Variants in KCNIP4 observed in about 807,000 individuals in gnomAD.
KCNIP4 encodes the protein potassium voltage-gated channel interacting protein 4, also known as Kv channel-interacting protein 4.
KCNIP4 carries 12 observed loss-of-function variants against 34.0 expected under a neutral mutation model. That is an observed-to-expected ratio of 0.35 (90% CI 0.23 to 0.57). KCNIP4 has a LOEUF of 0.57. Ranked by LOEUF, KCNIP4 falls within the 20% of genes least tolerant of loss-of-function variation. The pLI, the probability that KCNIP4 is intolerant of heterozygous loss-of-function variation, is 0.83. For missense variants in KCNIP4, 238 were observed against 311.7 expected (o/e 0.76, Z 1.78); for synonymous variants, 124 against 102.2 (o/e 1.21, Z -1.29).
chr4:20,824,676 C>T (rs1717512211), intron 3 of KCNIP4, among the ~76,000 whole-genome samples: 1 of 151,938 alleles, frequency 6.6e-6, no homozygotes, highest in Admixed American at 6.6e-5. Flanking sequence ...GAGACTCCAT[C>T]TCAAAAAAAA....
intron 1 of KCNIP4, among the ~76,000 whole-genome samples, chr4:21,693,602 G>A (rs1711934938): frequency 6.6e-6 from 1 of 152,056 alleles, no homozygotes; most frequent in Non-Finnish European, 1.5e-5. Context: ...TATATGACTA[G>A]CCTGTGGTGG....
At position 21,145,449 on chromosome 4, in the gene KCNIP4, G is replaced by A. The variant is rs575020076; in HGVS notation, c.62-262740C>T. Among the ~76,000 whole-genome samples, 9 of 152,262 alleles carry A rather than the reference G, an allele frequency of 5.9e-5. No individual in the cohort carries two copies. The East Asian group carries it at 1.7e-3, about 29-fold the overall frequency. ...TCTGTATTTTTACAAGGCTCCACAG[G>A]TGAAATGGATGCAACTGACCTATGA... On this transcript the variant is annotated intron_variant, in intron 1 of 8. Coordinates refer to ENST00000382152, the MANE Select transcript of KCNIP4 (RefSeq NM_025221.6).
chr4:21,555,058 A>G (rs1281666012), intron 1 of KCNIP4, among the ~76,000 whole-genome samples: 1 of 152,156 alleles, frequency 6.6e-6, no homozygotes, highest in Non-Finnish European at 1.5e-5. Flanking sequence ...ATGACCATCT[A>G]AACATTTTTT....
At position 21,757,198 on chromosome 4, in the gene KCNIP4, G is replaced by A. The variant is rs4627851; in HGVS notation, c.61+191373C>T. Among the ~76,000 whole-genome samples, 145 of 39,416 alleles carry A rather than the reference G, an allele frequency of 3.7e-3. 1 individual carries two copies. The highest frequency in any genetic ancestry group is 6.6e-3 in the Admixed American group (25 of 3,814). 25.9% of individuals were successfully genotyped at this position (39,416 alleles called of 152,430 possible). On this transcript the variant is annotated intron_variant, in intron 1 of 8. Coordinates refer to ENST00000382152, the MANE Select transcript of KCNIP4 (RefSeq NM_025221.6). ...AGGAAGGAAGGAAGGAAGGAAGGAA[G>A]GAAAGAAAGAAAGAAAGAAAGAAAG...
chr4:21,390,152 T>G (rs994242622), intron 1 of KCNIP4, among the ~76,000 whole-genome samples: 3 of 152,154 alleles, frequency 2.0e-5, no homozygotes, highest in African/African-American at 7.2e-5. Flanking sequence ...TGGGGTTGTT[T>G]GTTTTTTTCT....
rs372004865 is a variant in KCNIP4, at chr4:21,019,224, T to C, written c.62-136515A>G. 1.9e-3 allele frequency among the ~76,000 whole-genome samples: 288 copies of C among 152,040 alleles called. 6 individuals carry two copies. In the South Asian group the frequency reaches 0.053, roughly 28 times the overall value. On this transcript the variant is annotated intron_variant, in intron 1 of 8. Coordinates refer to ENST00000382152, the MANE Select transcript of KCNIP4 (RefSeq NM_025221.6). ...ATGCTGGAGTGCAGTGGCGTGATCT[T>C]GGCTCAATGCAACCTCCACCTCCCT... is the stretch of plus-strand genomic sequence containing the variant.
chr4:21,606,098 T>G (rs1341100815), intron 1 of KCNIP4, among the ~76,000 whole-genome samples: 2 of 152,160 alleles, frequency 1.3e-5, no homozygotes, highest in Non-Finnish European at 2.9e-5. Context: ...CATGCCTGGA[T>G]AGCCAGAGAA....
At chr4:20,829,001 T>C (rs1294626794) in intron 3 of KCNIP4, among the ~76,000 whole-genome samples, 1 of 152,122 alleles carries the variant, frequency 6.6e-6, no homozygotes, top group African/African-American at 2.4e-5. Context: ...GGGACGTCAG[T>C]TTTGCTGGTG....
intron 1 of KCNIP4, among the ~76,000 whole-genome samples, chr4:21,925,777 T>C (rs1003466091): frequency 6.6e-6 from 1 of 152,198 alleles, no homozygotes; most frequent in South Asian, 2.1e-4. Context: ...CGGTCCACTA[T>C]ATATCAAGAC....
At chr4:20,968,852 A>G (rs958820150) in intron 1 of KCNIP4, among the ~76,000 whole-genome samples, 17 of 152,220 alleles carry the variant, frequency 1.1e-4, no homozygotes, top group African/African-American at 3.6e-4. Flanking sequence ...GGTGCAGCAA[A>G]CCAGCATGGC....
intron 1 of KCNIP4, among the ~76,000 whole-genome samples, chr4:21,267,206 T>C (rs1009838498): frequency 3.3e-4 from 50 of 152,336 alleles, no homozygotes; most frequent in African/African-American, 1.1e-3. Flanking sequence ...AGAATATTCA[T>C]AGTGACAGTC....
At chr4:21,464,537 A>C (rs1316471502) in intron 1 of KCNIP4, among the ~76,000 whole-genome samples, 4 of 152,034 alleles carry the variant, frequency 2.6e-5, no homozygotes, top group Non-Finnish European at 5.9e-5. Flanking sequence ...ATTTCATTCC[A>C]CTGTGGTTGG....
chr4:20,849,110 ATGTTTATT>A (rs1307282861), intron 3 of KCNIP4, among the ~76,000 whole-genome samples: 2 of 152,030 alleles, frequency 1.3e-5, no homozygotes, highest in Non-Finnish European at 2.9e-5. Context: ...CCCTTTATGC[ATGTTTATT>A]TGTATGTATT....
At chr4:21,048,893 G>A (rs1251036025) in intron 1 of KCNIP4, among the ~76,000 whole-genome samples, 3 of 150,870 alleles carry the variant, frequency 2.0e-5, no homozygotes, top group Non-Finnish European at 4.4e-5. Flanking sequence ...TGGAGAGAGA[G>A]AGAGAGAGAG....
At chr4:20,848,145 C>A (rs942588299) in intron 3 of KCNIP4, among the ~76,000 whole-genome samples, 1 of 152,112 alleles carries the variant, frequency 6.6e-6, no homozygotes, top group African/African-American at 2.4e-5. Context: ...TTAATATTTT[C>A]TGAGCAAACT....
intron 1 of KCNIP4, among the ~76,000 whole-genome samples, chr4:21,297,642 T>C (rs1763916864): frequency 6.6e-6 from 1 of 152,288 alleles, no homozygotes; most frequent in African/African-American, 2.4e-5. Context: ...ATGATCAATT[T>C]GAAACTGGCA....
chr4:21,800,633 A>G (rs185509456), intron 1 of KCNIP4, among the ~76,000 whole-genome samples: 18 of 152,294 alleles, frequency 1.2e-4, no homozygotes, highest in Admixed American at 3.9e-4. Flanking sequence ...TTTTCGATGA[A>G]TGGTTTCTAC....
At chr4:21,220,346 C>T (rs556746989) in intron 1 of KCNIP4, among the ~76,000 whole-genome samples, 14 of 152,126 alleles carry the variant, frequency 9.2e-5, no homozygotes, top group South Asian at 6.2e-4. Flanking sequence ...GCAATAAGAA[C>T]GAGGTTCAGG....
intron 1 of KCNIP4, among the ~76,000 whole-genome samples, chr4:21,629,849 CTTTTTTTTT>C (rs5856652): frequency 8.0e-5 from 7 of 87,802 alleles, no homozygotes; most frequent in African/African-American, 9.6e-5. Flanking sequence ...CTTTTTCTTT[CTTTTTTTTT>C]TTTTTTTTTT....
Sources: gnomAD v4.1 joint callset for allele counts (sites outside exome capture counted in the v4.1 genomes callset) on GRCh38, gnomAD v4.1.1 for gene constraint, MANE v1.5 for transcripts, NCBI Gene and HGNC (gene_info 2026-07-23, HGNC 2026-07-21) for gene names.